Variants in MGAT4C observed in about 807,000 individuals in gnomAD.
MGAT4C encodes alpha-1,3-mannosyl-glycoprotein 4-beta-N-acetylglucosaminyltransferase C.
Under a neutral mutation model 40.1 loss-of-function variants are expected in MGAT4C, and 19 were observed. The ratio of observed to expected loss-of-function variants is 0.47; its 90% CI spans 0.33 to 0.70. The LOEUF is 0.70. Ranked by LOEUF, MGAT4C falls within the 30% of genes least tolerant of loss-of-function variation. The pLI, the probability that MGAT4C is intolerant of heterozygous loss-of-function variation, is 0.02. For missense variants in MGAT4C, 491 were observed against 563.2 expected (o/e 0.87, Z 1.30); for synonymous variants, 181 against 187.1 (o/e 0.97, Z 0.27).
At chr12:86,401,307 TA>T (rs1470557332) in intron 3 of MGAT4C, among the ~76,000 whole-genome samples, 1 of 151,406 alleles carries the variant, frequency 6.6e-6, no homozygotes, top group African/African-American at 2.4e-5. Context: ...TGTGTGTATA[TA>T]TATATATATT....
intron 2 of MGAT4C, among the ~76,000 whole-genome samples, chr12:86,652,798 T>C (rs1425324052): frequency 6.6e-6 from 1 of 151,982 alleles, no homozygotes; most frequent in African/African-American, 2.4e-5. Flanking sequence ...TCTGCAAATG[T>C]ACATTTCTAA....
chr12:86,589,442 A>G (rs1385970763), intron 2 of MGAT4C, among the ~76,000 whole-genome samples: 1 of 152,084 alleles, frequency 6.6e-6, no homozygotes, highest in Non-Finnish European at 1.5e-5. Flanking sequence ...GTCCAGGACC[A>G]GATGGATTCA....
rs560277226 is a variant in MGAT4C, at chr12:86,085,126, A to AT, written c.-56-35404dup. On this transcript the variant is annotated intron_variant, in intron 1 of 4. Transcript: ENST00000611864. ...CTCTCATATAGTTTATTTTTTATTT[A>AT]TTTTTTAAATGTTTTCTGTTTTGTT... Among the ~76,000 whole-genome samples the AT allele has an allele frequency of 4.2e-4, 64 of 151,984 alleles. 1 individual carries two copies. The East Asian group carries it at 8.7e-3, about 21-fold the overall frequency.
At chr12:86,132,435 C>A (rs904384170) in intron 1 of MGAT4C, among the ~76,000 whole-genome samples, 2 of 152,040 alleles carry the variant, frequency 1.3e-5, no homozygotes, top group African/African-American at 4.8e-5. Flanking sequence ...ACTTCTTCCA[C>A]AATCTTATGA....
At chr12:86,532,966 A>C (rs1326172068) in intron 2 of MGAT4C, among the ~76,000 whole-genome samples, 1 of 152,012 alleles carries the variant, frequency 6.6e-6, no homozygotes, top group Non-Finnish European at 1.5e-5. Flanking sequence ...CTAAGTCTTT[A>C]ACATGCACTA....
intron 2 of MGAT4C, among the ~76,000 whole-genome samples, chr12:86,587,146 G>T (rs1407788028): frequency 6.6e-6 from 1 of 151,816 alleles, no homozygotes; most frequent in Non-Finnish European, 1.5e-5. Context: ...GTAAGGAAGG[G>T]ATCCAGTTTC....
At chr12:86,414,004 T>A (rs1956656048) in intron 3 of MGAT4C, among the ~76,000 whole-genome samples, 1 of 152,096 alleles carries the variant, frequency 6.6e-6, no homozygotes, top group Non-Finnish European at 1.5e-5. Flanking sequence ...AAAACCAAGT[T>A]TTGACTGCCT....
intron 4 of MGAT4C, among the ~76,000 whole-genome samples, chr12:86,296,937 C>CCATG (rs1265128037): frequency 1.3e-5 from 2 of 152,210 alleles, no homozygotes; most frequent in African/African-American, 4.8e-5. Context: ...GTGAGGACTG[C>CCATG]CAGCACGCTG....
At chr12:86,028,881 C>T (rs1592723936) in intron 2 of MGAT4C, among the ~76,000 whole-genome samples, 1 of 151,920 alleles carries the variant, frequency 6.6e-6, no homozygotes. Context: ...TTACATATTC[C>T]AATTATCTAT....
At chr12:86,253,473 G>A (rs1424511983) in intron 1 of MGAT4C, among the ~76,000 whole-genome samples, 3 of 151,802 alleles carry the variant, frequency 2.0e-5, no homozygotes, top group Admixed American at 6.6e-5. Context: ...AACAAGTTAC[G>A]AATTATTAGT....
At chr12:86,533,878 C>G (rs930765946) in intron 2 of MGAT4C, among the ~76,000 whole-genome samples, 2 of 151,432 alleles carry the variant, frequency 1.3e-5, no homozygotes, top group Non-Finnish European at 2.9e-5. Flanking sequence ...GCACAACTGA[C>G]CAGCATAAAT....
chr12:86,354,996 T>C (rs544702748), intron 3 of MGAT4C, among the ~76,000 whole-genome samples: 3 of 152,318 alleles, frequency 2.0e-5, no homozygotes, highest in African/African-American at 7.2e-5. Flanking sequence ...ATTCCCTTAT[T>C]TGTTCTCGCC....
At chr12:86,833,554 G>A (rs1952973170) in intron 1 of MGAT4C, among the ~76,000 whole-genome samples, 1 of 151,778 alleles carries the variant, frequency 6.6e-6, no homozygotes, top group African/African-American at 2.4e-5. Context: ...TTTCCTCTGT[G>A]TAAGTCTGTG....
At chr12:86,561,600 T>C (rs1172019787) in intron 2 of MGAT4C, among the ~76,000 whole-genome samples, 10 of 152,186 alleles carry the variant, frequency 6.6e-5, no homozygotes, top group South Asian at 2.1e-4. Context: ...CAGACCCAGA[T>C]TGAAGGCTCC....
rs144594535 is a variant in MGAT4C, at chr12:86,121,257, A to G, written c.-56-71534T>C. Among the ~76,000 whole-genome samples, 923 of 152,312 alleles carry G rather than the reference A, an allele frequency of 6.1e-3. 5 individuals are homozygous for G. The highest frequency in any genetic ancestry group is 0.021 in the African/African-American group (888 of 41,560). On this transcript the variant is annotated intron_variant, in intron 1 of 4. Coordinates refer to ENST00000611864, the MANE Select transcript of MGAT4C (RefSeq NM_001351288.2). ...AATATGGGACTATGTGAAAAGACCAAATCTACGTCTGATTGGTGTACCTGA... is the reference window on the plus strand; with the variant it reads ...AATATGGGACTATGTGAAAAGACCAGATCTACGTCTGATTGGTGTACCTGA...
At chr12:86,426,972 G>C (rs1314863566) in intron 3 of MGAT4C, among the ~76,000 whole-genome samples, 1 of 151,830 alleles carries the variant, frequency 6.6e-6, no homozygotes, top group African/African-American at 2.4e-5. Flanking sequence ...AGAAGAGAGA[G>C]AGAGAGAGAA....
chr12:86,297,531 A>G (rs1953710843), intron 4 of MGAT4C, among the ~76,000 whole-genome samples: 1 of 152,230 alleles, frequency 6.6e-6, no homozygotes, highest in African/African-American at 2.4e-5. Context: ...CAGAATGATT[A>G]AGAAACAAAA....
chr12:86,094,825 G>A (rs2135579566), intron 1 of MGAT4C, among the ~76,000 whole-genome samples: 1 of 152,102 alleles, frequency 6.6e-6, no homozygotes, highest in East Asian at 1.9e-4. Flanking sequence ...GACTCAATTA[G>A]CACACTGTCT....
chr12:86,731,809 T>C (rs1414746593), intron 1 of MGAT4C, among the ~76,000 whole-genome samples: 1 of 152,146 alleles, frequency 6.6e-6, no homozygotes, highest in African/African-American at 2.4e-5. Flanking sequence ...TAGTATTGCA[T>C]TAAGGTTTTC....
Sources: allele counts gnomAD v4.1 joint callset (sites outside exome capture counted in the v4.1 genomes callset), GRCh38; gene constraint gnomAD v4.1.1; transcripts MANE v1.5; gene names NCBI Gene and HGNC (gene_info 2026-07-23, HGNC 2026-07-21).